Variants in XRCC5 observed in about 807,000 individuals in gnomAD.
XRCC5 encodes the protein X-ray repair cross complementing 5, also known as DNA repair protein Ku80.
A neutral mutation model predicts 95.7 loss-of-function variants in XRCC5; 12 were observed. That is an observed-to-expected ratio of 0.13 (90% CI 0.08 to 0.20). XRCC5 has a LOEUF of 0.20. XRCC5 is among the 10% of genes least tolerant of loss of function. The pLI is 1.00. For missense variants in XRCC5, 595 were observed against 873.9 expected (o/e 0.68, Z 4.02); for synonymous variants, 281 against 290.3 (o/e 0.97, Z 0.33).
At chr2:216,205,045 T>C (rs983794285) in intron 20 of XRCC5, 143 bp from the exon 21 acceptor site, 6 of 977,240 alleles carry the variant, frequency 6.1e-6, no homozygotes, top group Middle Eastern at 4.3e-4. Flanking sequence ...GTTTAACTCC[T>C]AAAATAATGA....
intron 16 of XRCC5, among the ~76,000 whole-genome samples, chr2:216,188,570 CT>C (rs1689553196): frequency 6.6e-6 from 1 of 152,198 alleles, no homozygotes; most frequent in African/African-American, 2.4e-5. Context: ...TGCCCTTGGC[CT>C]GTAAAGGTTT....
intron 3 of XRCC5, chr2:216,117,221 C>A: frequency 5.2e-6 from 1 of 191,180 alleles, no homozygotes; most frequent in South Asian, 1.4e-4. Flanking sequence ...AATGTTCTCT[C>A]CTTTTTTTCT....
At chr2:216,178,292 G>A (rs1016389133) in intron 16 of XRCC5, among the ~76,000 whole-genome samples, 3 of 152,140 alleles carry the variant, frequency 2.0e-5, no homozygotes, top group African/African-American at 7.2e-5. Context: ...AATGCAAATA[G>A]TAATATAATA....
In XRCC5 at chr2:216,187,859, T is replaced by TCCCC. The variant is rs776198918; in HGVS notation, c.1835-2365_1835-2364insCCCC. Among the ~76,000 whole-genome samples the TCCCC allele has an allele frequency of 8.4e-4, 93 of 110,528 alleles. 1 individual carries two copies. The highest frequency in any genetic ancestry group is 3.9e-3 in the African/African-American group (88 of 22,438). 72.5% of individuals were successfully genotyped at this position (110,528 alleles called of 152,430 possible). On this transcript the variant is annotated intron_variant, in intron 16 of 20. Transcript: ENST00000392132. ...CTCTCTCTCTCTCTCTCTCTCTCTC[T>TCCCC]CTCCCCGTCTCCCTGTCTCTCCCTC...
intron 19 of XRCC5, among the ~76,000 whole-genome samples, chr2:216,198,576 G>GTTTATTT (rs1689777351): frequency 1.4e-5 from 2 of 142,022 alleles, no homozygotes; most frequent in African/African-American, 5.2e-5. Flanking sequence ...TTTATTTAGA[G>GTTTATTT]ACAGAGTCTC....
chr2:216,166,360 G>A (rs981216484), intron 16 of XRCC5, among the ~76,000 whole-genome samples: 4 of 152,108 alleles, frequency 2.6e-5, no homozygotes, highest in East Asian at 3.9e-4. Context: ...GAGTTCAAGC[G>A]ATCTGCCTGC....
intron 6 of XRCC5, 118 bp downstream of exon 6, chr2:216,122,371 A>C: frequency 2.1e-6 from 2 of 950,614 alleles, no homozygotes; most frequent in South Asian, 3.7e-5. Context: ...GTCATTGCTT[A>C]ATATTCTGAG....
At chr2:216,138,327 A>C in intron 12 of XRCC5, 148 bp downstream of exon 12, 1 of 714,192 alleles carries the variant, frequency 1.4e-6, no homozygotes, top group Non-Finnish European at 2.4e-6. Flanking sequence ...GTAATGATGA[A>C]GGTGGTTTAC....
At chr2:216,170,091 G>A (rs1337894030) in intron 16 of XRCC5, among the ~76,000 whole-genome samples, 1 of 140,186 alleles carries the variant, frequency 7.1e-6, no homozygotes, top group Non-Finnish European at 1.5e-5. Context: ...ACCCCTTGTC[G>A]TGTCATGACC....
chr2:216,187,521 T>TGTGTGTGTGTGTGTG (rs1559261059), intron 16 of XRCC5, among the ~76,000 whole-genome samples: 1 of 134,734 alleles, frequency 7.4e-6, no homozygotes, highest in African/African-American at 2.9e-5. Context: ...TGTGTGTGTG[T>TGTGTGTGTGTGTGTG]TCTATCATAT....
At chr2:216,113,451 C>T (rs185344208) in intron 2 of XRCC5, among the ~76,000 whole-genome samples, 89 of 152,302 alleles carry the variant, frequency 5.8e-4, no homozygotes, top group Non-Finnish European at 7.9e-4. Context: ...CATTTACTAA[C>T]CTTCTGATGT....
chr2:216,117,930 T>C (rs946395364), intron 4 of XRCC5, 136 bp downstream of exon 4: 5 of 916,196 alleles, frequency 5.5e-6, no homozygotes, highest in Non-Finnish European at 8.5e-6. Flanking sequence ...TTTATAGAAT[T>C]GAATGGTTCA....
chr2:216,152,738 G>A (rs1293444412), intron 14 of XRCC5, among the ~76,000 whole-genome samples: 1 of 151,310 alleles, frequency 6.6e-6, no homozygotes, highest in Non-Finnish European at 1.5e-5. Flanking sequence ...GCTCACTGCA[G>A]CCTAGACCTC....
chr2:216,156,734 A>C, intron 14 of XRCC5: 1 of 535,758 alleles, frequency 1.9e-6, no homozygotes, highest in Non-Finnish European at 3.8e-6. Flanking sequence ...TATTCCTCAA[A>C]TGAGGATTTT....
chr2:216,158,833 T>G (rs564359668), intron 14 of XRCC5, among the ~76,000 whole-genome samples: 39 of 152,352 alleles, frequency 2.6e-4, no homozygotes, highest in Non-Finnish European at 4.9e-4. Flanking sequence ...TTATTGAAAT[T>G]GAGGAAGCCC....
chr2:216,186,686 T>C (rs1469365233), intron 16 of XRCC5, among the ~76,000 whole-genome samples: 2 of 152,212 alleles, frequency 1.3e-5, no homozygotes, highest in Non-Finnish European at 2.9e-5. Context: ...ATGAGTATTA[T>C]TGAGTCACTA....
At chr2:216,170,549 C>G (rs564051659) in intron 16 of XRCC5, among the ~76,000 whole-genome samples, 1 of 152,102 alleles carries the variant, frequency 6.6e-6, no homozygotes, top group Non-Finnish European at 1.5e-5. Flanking sequence ...CTCACTGTCA[C>G]AAGAACAGCA....
intron 8 of XRCC5, among the ~76,000 whole-genome samples, chr2:216,130,358 A>G (rs1696976550): frequency 6.6e-6 from 1 of 152,056 alleles, no homozygotes; most frequent in African/African-American, 2.4e-5. Flanking sequence ...AAAATATATA[A>G]CTTATCAATT....
chr2:216,145,456 A>G (rs1688610917), intron 13 of XRCC5, among the ~76,000 whole-genome samples: 1 of 152,198 alleles, frequency 6.6e-6, no homozygotes. Context: ...TGTGGTCTGT[A>G]GGTTTTTCCT....
Sources: allele counts gnomAD v4.1 joint callset (sites outside exome capture counted in the v4.1 genomes callset), GRCh38; gene constraint gnomAD v4.1.1; transcripts MANE v1.5; gene names NCBI Gene and HGNC (gene_info 2026-07-23, HGNC 2026-07-21).